The following CYB5B variants were observed in gnomAD, a reference collection of about 807,000 sequenced individuals.
CYB5B encodes the protein cytochrome b5 type B, also known as cytochrome b5 type B (outer mitochondrial membrane).
CYB5B carries 14 observed loss-of-function variants against 21.3 expected under a neutral mutation model. The observed-to-expected ratio is 0.66, with a 90% CI of 0.43 to 1.03. The LOEUF is 1.03. CYB5B is among the 50% of genes least tolerant of loss of function. CYB5B has a pLI of 0.00. For synonymous variants in CYB5B, 69 were observed against 68.4 expected, an observed-to-expected ratio of 1.01 and a Z score of -0.04; for missense variants, 166 against 185.1, an observed-to-expected ratio of 0.90 and a Z score of 0.60.
At position 69,462,429 on chromosome 16, in the gene CYB5B, G is replaced by C; in HGVS notation, c.363-1G>C. ...TTATTGCTTTCTCCCCCTATTCCTA[G>C]TTGCTGGGCATATTGGATTTTACCC... On this transcript the variant is annotated splice_acceptor_variant, in intron 4 of 4. Coordinates refer to ENST00000307892, the MANE Select transcript of CYB5B (RefSeq NM_030579.3). LOFTEE classifies it high-confidence loss of function. 1 of 1,611,936 alleles carries C rather than the reference G, an allele frequency of 6.2e-7. No homozygotes were observed. Among genetic ancestry groups the C allele is most frequent in the East Asian group, 2.2e-5 (1 of 44,866 alleles).
rs535924842 is a variant in CYB5B at position 69,429,143 on chromosome 16, T to G, written c.174+4286T>G. ...TGGAGTTGGTTCCTTCCGGTGGGTTTTTGGTCTCTCTGACTTGAAGAATGA... is the reference window on the plus strand; with the variant it reads ...TGGAGTTGGTTCCTTCCGGTGGGTTGTTGGTCTCTCTGACTTGAAGAATGA... On this transcript the variant is annotated intron_variant, in intron 1 of 4. Coordinates refer to ENST00000307892, the MANE Select transcript of CYB5B (RefSeq NM_030579.3). 5.9e-5 allele frequency among the ~76,000 whole-genome samples: 9 copies of G among 152,212 alleles called. No homozygotes were observed. In the South Asian group the frequency reaches 1.9e-3, roughly 32 times the overall value.
At chr16:69,434,752 A>T (rs1179480903) in intron 1 of CYB5B, among the ~76,000 whole-genome samples, 1 of 151,718 alleles carries the variant, frequency 6.6e-6, no homozygotes, top group African/African-American at 2.4e-5. Flanking sequence ...AGTCCCAGCT[A>T]CTTGGGAGGC....
chr16:69,451,502 A>G (rs938665259), intron 3 of CYB5B, among the ~76,000 whole-genome samples: 1 of 152,122 alleles, frequency 6.6e-6, no homozygotes, highest in African/African-American at 2.4e-5. Flanking sequence ...TCTTCAACAG[A>G]TATTATCTAG....
In CYB5B at chr16:69,459,136, A is replaced by G; in HGVS notation, c.362+15A>G. 1 of 1,604,714 alleles carries G rather than the reference A, an allele frequency of 6.2e-7. No homozygotes were observed. Among genetic ancestry groups the G allele is most frequent in the Non-Finnish European group, 8.5e-7 (1 of 1,177,232 alleles). On this transcript the variant is annotated intron_variant, in intron 4 of 4. Coordinates refer to ENST00000307892, the MANE Select transcript of CYB5B (RefSeq NM_030579.3). ...ACATGCAAAAGGTTAGTATCTCCTT[A>G]ACAGCTTTCCATACGTTCAAGGTAA...
At position 69,424,766 on chromosome 16, in the gene CYB5B, G is replaced by T; in HGVS notation, c.83G>T (p.Arg28Leu). 1 of 1,605,834 alleles carries T rather than the reference G, an allele frequency of 6.2e-7. No homozygotes were observed. The highest frequency in any genetic ancestry group is 8.5e-7 in the Non-Finnish European group (1 of 1,176,164). The change falls in exon 1 of 5, where the codon CGG (arginine) becomes CTG (leucine). Residue 28 changes from arginine (R) to leucine (L), a missense_variant. Transcript: ENST00000307892. ...QEVETSVTYY[R>L]LEEVAKRNSL... ...GTCGAGACCTCAGTCACCTATTACC[G>T]GTTGGAGGAGGTGGCAAAGCGCAAC...
At chr16:69,428,650 G>A (rs138285449) in intron 1 of CYB5B, among the ~76,000 whole-genome samples, 81 of 151,770 alleles carry the variant, frequency 5.3e-4, no homozygotes, top group South Asian at 5.2e-3. Context: ...GTGAGACTCC[G>A]TCACAAATGA....
At chr16:69,445,804 A>G (rs2014871884) in intron 1 of CYB5B, among the ~76,000 whole-genome samples, 1 of 152,032 alleles carries the variant, frequency 6.6e-6, no homozygotes, top group South Asian at 2.1e-4. Flanking sequence ...TAAAAATACA[A>G]AATTAGCTGG....
At chr16:69,460,750 T>C (rs1371597220) in intron 4 of CYB5B, among the ~76,000 whole-genome samples, 2 of 152,168 alleles carry the variant, frequency 1.3e-5, no homozygotes, top group Non-Finnish European at 2.9e-5. Context: ...TTCGAGATAT[T>C]CAAACATCAG....
At chr16:69,436,874 G>A (rs1292079598) in intron 1 of CYB5B, among the ~76,000 whole-genome samples, 1 of 151,880 alleles carries the variant, frequency 6.6e-6, no homozygotes, top group Non-Finnish European at 1.5e-5. Flanking sequence ...CCTCTATTCT[G>A]CCCATCAGTC....
At chr16:69,432,382 G>A (rs2014714833) in intron 1 of CYB5B, among the ~76,000 whole-genome samples, 1 of 152,126 alleles carries the variant, frequency 6.6e-6, no homozygotes. Flanking sequence ...GCACTTTATT[G>A]TAAGATAGGC....
chr16:69,432,853 A>G (rs1027468794), intron 1 of CYB5B, among the ~76,000 whole-genome samples: 5 of 151,890 alleles, frequency 3.3e-5, no homozygotes, highest in South Asian at 2.1e-4. Context: ...CTGGAGTGCA[A>G]TGGCGCGATC....
At chr16:69,436,115 A>G (rs1336769534) in intron 1 of CYB5B, among the ~76,000 whole-genome samples, 3 of 152,154 alleles carry the variant, frequency 2.0e-5, no homozygotes, top group Non-Finnish European at 2.9e-5. Flanking sequence ...GGGGCATGGC[A>G]TGCACTCACA....
chr16:69,430,376 C>T (rs751900381), intron 1 of CYB5B, among the ~76,000 whole-genome samples: 19 of 151,982 alleles, frequency 1.3e-4, no homozygotes, highest in Admixed American at 1.2e-3. Flanking sequence ...CTACCACACC[C>T]TGCTAATTTT....
intron 1 of CYB5B, among the ~76,000 whole-genome samples, chr16:69,444,796 A>G (rs913443878): frequency 6.6e-6 from 1 of 152,238 alleles, no homozygotes; most frequent in Non-Finnish European, 1.5e-5. Flanking sequence ...TTGTAGACTA[A>G]TGGCTGAAAT....
chr16:69,433,001 T>C (rs2014721962), intron 1 of CYB5B, among the ~76,000 whole-genome samples: 1 of 152,178 alleles, frequency 6.6e-6, no homozygotes, highest in Non-Finnish European at 1.5e-5. Context: ...TTTTGCCGTG[T>C]TGGCCGGGCT....
At chr16:69,451,641 G>T (rs1008525474) in intron 3 of CYB5B, among the ~76,000 whole-genome samples, 3 of 151,930 alleles carry the variant, frequency 2.0e-5, no homozygotes, top group Admixed American at 2.0e-4. Context: ...AATTTAAATA[G>T]TTCAAAACAG....
At chr16:69,437,985 C>T (rs1205325993) in intron 1 of CYB5B, among the ~76,000 whole-genome samples, 4 of 152,154 alleles carry the variant, frequency 2.6e-5, no homozygotes, top group Non-Finnish European at 5.9e-5. Context: ...ATTCATGTTG[C>T]TGTGCAATCA....
At chr16:69,429,223 AGAGT>A (rs964525989) in intron 1 of CYB5B, among the ~76,000 whole-genome samples, 4 of 152,162 alleles carry the variant, frequency 2.6e-5, no homozygotes, top group African/African-American at 9.7e-5. Flanking sequence ...ACAGACCCAA[AGAGT>A]GAGTAGCAGC....
chr16:69,441,804 C>T (rs2142816432), intron 1 of CYB5B, among the ~76,000 whole-genome samples: 1 of 152,214 alleles, frequency 6.6e-6, no homozygotes, highest in Admixed American at 6.5e-5. Flanking sequence ...AAGAACTTCC[C>T]ATTACTTAAC....
Sources: allele counts gnomAD v4.1 joint callset (sites outside exome capture counted in the v4.1 genomes callset), GRCh38; gene constraint gnomAD v4.1.1; transcripts MANE v1.5; gene names NCBI Gene and HGNC (gene_info 2026-07-23, HGNC 2026-07-21).